Variants in SLCO4C1 observed in about 807,000 individuals in gnomAD.
SLCO4C1 encodes the protein solute carrier organic anion transporter family member 4C1.
SLCO4C1 carries 58 observed loss-of-function variants against 72.1 expected under a neutral mutation model. That is an observed-to-expected ratio of 0.80 (90% confidence interval 0.65 to 1.00). The LOEUF is 1.00. Ranked by LOEUF, SLCO4C1 falls within the 50% of genes least tolerant of loss-of-function variation. SLCO4C1 has a pLI of 0.00. For synonymous variants in SLCO4C1, 297 were observed against 312.5 expected, an observed-to-expected ratio of 0.95 and a Z score of 0.52; for missense variants, 898 against 857.9, an observed-to-expected ratio of 1.05 and a Z score of -0.58.
intron 8 of SLCO4C1, among the ~76,000 whole-genome samples, chr5:102,250,848 C>A (rs892064447): frequency 6.6e-6 from 1 of 151,768 alleles, no homozygotes. Flanking sequence ...ATTAGCTGGG[C>A]ATGGTGGCAG....
rs1296736217 is a variant in SLCO4C1 at position 102,262,034 on chromosome 5, C to G, written c.900-1G>C. 6.3e-7 allele frequency: 1 copy of G among 1,599,868 alleles called. No homozygotes were observed. On this transcript the variant is annotated splice_acceptor_variant, in intron 4 of 12. Coordinates refer to ENST00000310954, the MANE Select transcript of SLCO4C1 (RefSeq NM_180991.5). LOFTEE classifies it high-confidence loss of function. ...CGGATCATCCTCAGTGACATCAGTG[C>G]TATATGATAGAAAAACAAGAGGTAA...
At chr5:102,291,709 TAA>T in intron 1 of SLCO4C1, 103 bp from the exon 2 acceptor site, 1 of 991,962 alleles carries the variant, frequency 1.0e-6, no homozygotes, top group Non-Finnish European at 1.4e-6. Context: ...TTTTTTTTCT[TAA>T]AATGTACCAG....
At chr5:102,286,019 TA>T (rs1474868283) in intron 2 of SLCO4C1, among the ~76,000 whole-genome samples, 4 of 151,970 alleles carry the variant, frequency 2.6e-5, no homozygotes, top group Non-Finnish European at 5.9e-5. Context: ...AAAGATAAAA[TA>T]GTAACCAGAA....
At chr5:102,279,015 G>T (rs1345556478) in intron 2 of SLCO4C1, among the ~76,000 whole-genome samples, 1 of 151,248 alleles carries the variant, frequency 6.6e-6, no homozygotes, top group Non-Finnish European at 1.5e-5. Context: ...TTGGAAAATA[G>T]AAAACTATAG....
chr5:102,240,862 GT>G, intron 10 of SLCO4C1, 80 bp from the exon 11 acceptor site: 1 of 959,726 alleles, frequency 1.0e-6, no homozygotes, highest in Non-Finnish European at 1.6e-6. Context: ...ATTTATAAGA[GT>G]TTAGCATTCC....
chr5:102,247,629 G>A (rs1042471231), intron 9 of SLCO4C1, among the ~76,000 whole-genome samples, 187 bp from the exon 10 acceptor site: 4 of 152,084 alleles, frequency 2.6e-5, no homozygotes, highest in Non-Finnish European at 5.9e-5. Flanking sequence ...TTATGATGTG[G>A]AATTATCTGT....
chr5:102,261,729 G>T (rs571197742), intron 5 of SLCO4C1, among the ~76,000 whole-genome samples, 183 bp downstream of exon 5: 11 of 152,048 alleles, frequency 7.2e-5, no homozygotes, highest in African/African-American at 2.7e-4. Context: ...AAAAAAACAT[G>T]AATATTAAGA....
intron 2 of SLCO4C1, among the ~76,000 whole-genome samples, chr5:102,275,687 GCAAA>G (rs1432839476): frequency 6.6e-6 from 1 of 152,138 alleles, no homozygotes; most frequent in Non-Finnish European, 1.5e-5. Context: ...GAATGCACAG[GCAAA>G]CAAAGGCTTT....
chr5:102,244,667 C>G (rs1292356545), intron 10 of SLCO4C1, among the ~76,000 whole-genome samples: 2 of 152,150 alleles, frequency 1.3e-5, no homozygotes, highest in Non-Finnish European at 2.9e-5. Flanking sequence ...AAATAACATA[C>G]AGTGGAGCCT....
intron 3 of SLCO4C1, among the ~76,000 whole-genome samples, chr5:102,265,940 C>T (rs1403233345): frequency 6.6e-6 from 1 of 152,108 alleles, no homozygotes. Context: ...TCTTTGAATC[C>T]ATGAGCATGG....
At chr5:102,286,161 T>C (rs752316966) in intron 2 of SLCO4C1, among the ~76,000 whole-genome samples, 4 of 152,142 alleles carry the variant, frequency 2.6e-5, no homozygotes, top group Admixed American at 6.5e-5. Flanking sequence ...ATTAGAAATT[T>C]AGTGCTACAG....
At chr5:102,273,962 C>T (rs1749199751) in intron 2 of SLCO4C1, among the ~76,000 whole-genome samples, 1 of 151,930 alleles carries the variant, frequency 6.6e-6, no homozygotes, top group Admixed American at 6.6e-5. Flanking sequence ...TTCAACCAAC[C>T]ACAGATCAAA....
chr5:102,240,383 G>A (rs894196372), intron 11 of SLCO4C1, among the ~76,000 whole-genome samples: 5 of 151,958 alleles, frequency 3.3e-5, no homozygotes, highest in African/African-American at 9.7e-5. Context: ...ATTTTTAATT[G>A]CTAGTGTAAC....
At chr5:102,273,245 A>C (rs942895789) in intron 2 of SLCO4C1, among the ~76,000 whole-genome samples, 1 of 152,158 alleles carries the variant, frequency 6.6e-6, no homozygotes, top group Admixed American at 6.5e-5. Context: ...GCAATCAAAC[A>C]TAGGTATAAT....
intron 6 of SLCO4C1, among the ~76,000 whole-genome samples, chr5:102,259,260 T>C (rs1170439895): frequency 6.6e-6 from 1 of 151,840 alleles, no homozygotes; most frequent in Non-Finnish European, 1.5e-5. Flanking sequence ...GAAATCAGAA[T>C]AGAGAGATCT....
At position 102,258,837 on chromosome 5, in the gene SLCO4C1, G is replaced by C. The variant is rs557397849; in HGVS notation, c.1129-750C>G. 6.7e-4 allele frequency among the ~76,000 whole-genome samples: 101 copies of C among 151,098 alleles called. 1 individual carries two copies. The highest frequency in any genetic ancestry group is 1.3e-3 in the Non-Finnish European group (86 of 67,658). On this transcript the variant is annotated intron_variant, in intron 6 of 12. Coordinates refer to ENST00000310954, the MANE Select transcript of SLCO4C1 (RefSeq NM_180991.5). The stretch of plus-strand genomic sequence containing the variant: ...TCAGAGCCACATAGACTGACAAAAG[G>C]AGGAAAAAGTACCTAAAAACATGCA...
At chr5:102,239,797 G>C (rs544467082) in intron 11 of SLCO4C1, among the ~76,000 whole-genome samples, 2 of 152,082 alleles carry the variant, frequency 1.3e-5, no homozygotes, top group East Asian at 3.9e-4. Flanking sequence ...ATGTGGGTGT[G>C]CATGTGTATA....
chr5:102,294,320 A>G (rs1034540570), intron 1 of SLCO4C1, among the ~76,000 whole-genome samples: 35 of 152,220 alleles, frequency 2.3e-4, no homozygotes, highest in Non-Finnish European at 4.0e-4. Flanking sequence ...TGCTGGGATT[A>G]CAGGCGTGAG....
chr5:102,295,895 C>G lies in SLCO4C1; in HGVS notation c.355+13G>C, dbSNP rs752606984. ...TCCACTGGCCCGAGCCTCAAGCGGG[C>G]GCTGGACTTTACCTTGCGTGACGGC... On this transcript the variant is annotated intron_variant, in intron 1 of 12. Coordinates refer to ENST00000310954, the MANE Select transcript of SLCO4C1 (RefSeq NM_180991.5). The G allele has an allele frequency of 3.3e-5, 53 of 1,604,458 alleles. 1 individual carries two copies. Among genetic ancestry groups the G allele is most frequent in the South Asian group, 1.7e-4 (15 of 90,098 alleles).
Sources: gnomAD v4.1 joint callset for allele counts (sites outside exome capture counted in the v4.1 genomes callset) on GRCh38, gnomAD v4.1.1 for gene constraint, MANE v1.5 for transcripts, NCBI Gene and HGNC (gene_info 2026-07-23, HGNC 2026-07-21) for gene names.